EVI5: variants seen among roughly 807,000 people sequenced by gnomAD.
The protein encoded by EVI5 is ecotropic viral integration site 5.
EVI5 carries 73 observed loss-of-function variants against 112.0 expected under a neutral mutation model. The ratio of observed to expected loss-of-function variants is 0.65; its 90% CI spans 0.54 to 0.79. The LOEUF is 0.79. Ranked by LOEUF, EVI5 falls within the 30% of genes least tolerant of loss-of-function variation. EVI5 has a pLI of 0.00. For missense variants in EVI5, 900 were observed against 968.8 expected, an observed-to-expected ratio of 0.93 and a Z score of 0.94; for synonymous variants, 305 against 319.9, an observed-to-expected ratio of 0.95 and a Z score of 0.50.
intron 13 of EVI5, among the ~76,000 whole-genome samples, 181 bp downstream of exon 13, chr1:92,662,538 G>A (rs1227583712): frequency 1.3e-5 from 2 of 151,940 alleles, no homozygotes; most frequent in Admixed American, 6.6e-5. Context: ...ATTAGAACAG[G>A]AGTCCTTAGG....
chr1:92,693,718 T>C, intron 9 of EVI5, 84 bp downstream of exon 9: 1 of 737,206 alleles, frequency 1.4e-6, no homozygotes. Flanking sequence ...AATAATATAG[T>C]TCTATAACCT....
chr1:92,566,070 T>C (rs1221708453), intron 18 of EVI5, among the ~76,000 whole-genome samples: 1 of 150,620 alleles, frequency 6.6e-6, no homozygotes. Flanking sequence ...CCAAATTGTA[T>C]CTCTAACTAC....
At chr1:92,661,304 G>A (rs188390880) in intron 13 of EVI5, among the ~76,000 whole-genome samples, 104 of 152,154 alleles carry the variant, frequency 6.8e-4, no homozygotes, top group Non-Finnish European at 1.2e-3. Context: ...CTTTCTAGCC[G>A]TAATATGCTC....
chr1:92,755,080 T>TG (rs1371208460), intron 1 of EVI5, among the ~76,000 whole-genome samples: 12 of 151,334 alleles, frequency 7.9e-5, no homozygotes, highest in South Asian at 2.1e-4. Context: ...TTTTTTTTTT[T>TG]TTTTTTTTTG....
At chr1:92,577,919 T>G (rs1055637627) in intron 18 of EVI5, among the ~76,000 whole-genome samples, 4 of 152,204 alleles carry the variant, frequency 2.6e-5, no homozygotes, top group African/African-American at 7.2e-5. Context: ...TGTTGTTGTT[T>G]TTTTGTTTGT....
At chr1:92,695,932 G>T (rs556398596) in intron 6 of EVI5, among the ~76,000 whole-genome samples, 4 of 150,886 alleles carry the variant, frequency 2.7e-5, no homozygotes, top group Non-Finnish European at 5.9e-5. Flanking sequence ...ACATAAATGA[G>T]ACTTTTTTTT....
chr1:92,527,045 A>G (rs1661997430), intron 19 of EVI5, among the ~76,000 whole-genome samples: 1 of 152,192 alleles, frequency 6.6e-6, no homozygotes, highest in Admixed American at 6.5e-5. Context: ...TAAGATGTTC[A>G]GTGTTTTTTT....
chr1:92,742,621 C>T (rs894615371), intron 1 of EVI5, among the ~76,000 whole-genome samples: 2 of 151,380 alleles, frequency 1.3e-5, no homozygotes, highest in South Asian at 4.2e-4. Flanking sequence ...TGCAGTGAGC[C>T]GAGACAGTGC....
intron 14 of EVI5, among the ~76,000 whole-genome samples, chr1:92,635,056 G>C (rs951306950): frequency 7.9e-5 from 12 of 152,182 alleles, no homozygotes; most frequent in African/African-American, 2.4e-4. Context: ...GTCTCAGAGG[G>C]GTACCCGGCC....
chr1:92,591,178 A>T (rs1370010989), intron 18 of EVI5, among the ~76,000 whole-genome samples: 4 of 152,238 alleles, frequency 2.6e-5, no homozygotes, highest in Non-Finnish European at 5.9e-5. Context: ...TGTAAAGACC[A>T]TCAAGGCTAG....
At chr1:92,679,712 C>T (rs1667297229) in intron 9 of EVI5, among the ~76,000 whole-genome samples, 2 of 152,092 alleles carry the variant, frequency 1.3e-5, no homozygotes, top group African/African-American at 4.8e-5. Context: ...TTGATGAGAA[C>T]CTTGACAGTT....
chr1:92,775,231 C>T (rs1275081202), intron 1 of EVI5, among the ~76,000 whole-genome samples: 1 of 152,066 alleles, frequency 6.6e-6, no homozygotes, highest in Non-Finnish European at 1.5e-5. Context: ...AGTTCAAGAC[C>T]AACCTGGCCA....
At chr1:92,785,206 G>C, upstream of EVI5, 2 of 631,674 alleles carry the variant, frequency 3.2e-6, no homozygotes, top group Non-Finnish European at 3.9e-6. Flanking sequence ...CCGAGAAAAG[G>C]AGAAGGCGAA....
chr1:92,607,582 T>G lies in EVI5; in HGVS notation c.1973A>C (p.Lys658Thr), dbSNP rs1650715482. The change falls in exon 17 of 20, where the codon AAG becomes ACG. Residue 658 changes from lysine to threonine, a missense_variant and splice_region_variant. Lys to Thr is a moderately conservative substitution (Grantham distance 78). Transcript: ENST00000684568. ...AKRKQAEIEC[K>T]NKEEVMAVRL... The stretch of plus-strand genomic sequence containing the variant: ...AAATCAGTTAGTTGACATATTTACC[T>G]TGCATTCAATCTCTGCTTGTTTACG... 1.3e-6 allele frequency: 2 copies of G among 1,569,884 alleles called. No individual in the cohort carries two copies. The highest frequency in any genetic ancestry group is 4.1e-5 in the Admixed American group (2 of 49,320).
chr1:92,622,371 A>C, intron 16 of EVI5: 1 of 418,528 alleles, frequency 2.4e-6, no homozygotes, highest in South Asian at 1.7e-5. Context: ...AGACACAAAC[A>C]CAAAAACGGT....
intron 13 of EVI5, among the ~76,000 whole-genome samples, chr1:92,646,588 G>A (rs1161349802): frequency 2.0e-5 from 3 of 152,190 alleles, no homozygotes; most frequent in African/African-American, 7.2e-5. Context: ...TCAGCGCCAA[G>A]AAACGAGCAC....
At chr1:92,697,708 C>T (rs762700680) in intron 6 of EVI5, 152 bp downstream of exon 6, 10 of 653,980 alleles carry the variant, frequency 1.5e-5, no homozygotes, top group Admixed American at 8.9e-5. Context: ...TCAAATTGTA[C>T]ATTAACCAAC....
intron 9 of EVI5, among the ~76,000 whole-genome samples, chr1:92,685,636 C>A (rs1001555267): frequency 1.3e-5 from 2 of 151,464 alleles, no homozygotes; most frequent in Non-Finnish European, 3.0e-5. Context: ...AAGAGATTAA[C>A]AAAATAGACC....
chr1:92,784,717 C>A (rs1685384841), intron 1 of EVI5, 119 bp downstream of exon 1: 1 of 738,068 alleles, frequency 1.4e-6, no homozygotes, highest in Non-Finnish European at 1.7e-6. Flanking sequence ...CCCGCTCCCA[C>A]AGCAAAACTT....
Sources: gnomAD v4.1 joint callset for allele counts (sites outside exome capture counted in the v4.1 genomes callset) on GRCh38, gnomAD v4.1.1 for gene constraint, MANE v1.5 for transcripts, NCBI Gene and HGNC (gene_info 2026-07-23, HGNC 2026-07-21) for gene names.